Variants in PACSIN2 observed in about 807,000 individuals in gnomAD.
PACSIN2 encodes the protein protein kinase C and casein kinase substrate in neurons protein 2.
Under a neutral mutation model 63.8 loss-of-function variants are expected in PACSIN2, and 25 were observed. The observed-to-expected ratio is 0.39, with a 90% CI of 0.29 to 0.55. PACSIN2 has a LOEUF of 0.55. Ranked by LOEUF, PACSIN2 falls within the 20% of genes least tolerant of loss-of-function variation. The pLI, the probability that PACSIN2 is intolerant of heterozygous loss-of-function variation, is 0.62. For missense variants in PACSIN2, 518 were observed against 646.9 expected (o/e 0.80, Z 2.16); for synonymous variants, 255 against 256.2 (o/e 1.00, Z 0.05).
At chr22:42,931,743 A>T (rs1932782648) in intron 1 of PACSIN2, among the ~76,000 whole-genome samples, 1 of 152,194 alleles carries the variant, frequency 6.6e-6, no homozygotes, top group African/African-American at 2.4e-5. Flanking sequence ...TTTTAATTTA[A>T]CAGAGCCATG....
intron 7 of PACSIN2, among the ~76,000 whole-genome samples, chr22:42,880,300 C>G (rs1053113430): frequency 1.3e-5 from 2 of 152,242 alleles, no homozygotes; most frequent in African/African-American, 4.8e-5. Context: ...GGCCCGACCC[C>G]AAATCTGGGT....
In PACSIN2 at chr22:42,870,897, C is replaced by A. The variant is rs1928056526; in HGVS notation, c.*460G>T. The A allele has an allele frequency of 5.9e-6, 1 of 169,336 alleles. No individual in the cohort carries two copies. The highest frequency in any genetic ancestry group is 2.4e-5 in the African/African-American group (1 of 42,126). The allele number at this position is 169,336 out of a possible 1,614,324, so 10.5% of individuals were successfully genotyped here. On this transcript the variant is annotated 3_prime_UTR_variant, in exon 11 of 11. Transcript: ENST00000263246. Reference sequence around the variant, plus strand: ...GTGCCATAATTTAAGTAGAAATGAACAGGTGTATAAAAAAGTATAACTGTA... The same window carrying A: ...GTGCCATAATTTAAGTAGAAATGAAAAGGTGTATAAAAAAGTATAACTGTA...
intron 2 of PACSIN2, among the ~76,000 whole-genome samples, chr22:42,901,328 C>A (rs548118877): frequency 6.6e-6 from 1 of 152,184 alleles, no homozygotes; most frequent in Non-Finnish European, 1.5e-5. Context: ...CTCTGTCAGC[C>A]TGGCAGACAA....
At chr22:42,972,069 G>C (rs565861599) in intron 1 of PACSIN2, among the ~76,000 whole-genome samples, 3 of 152,216 alleles carry the variant, frequency 2.0e-5, no homozygotes, top group Non-Finnish European at 4.4e-5. Context: ...CAATGGGGGG[G>C]GGAAATGTGG....
intron 1 of PACSIN2, among the ~76,000 whole-genome samples, chr22:42,956,739 CCAA>C (rs1454843943): frequency 6.6e-6 from 1 of 152,010 alleles, no homozygotes; most frequent in African/African-American, 2.4e-5. Flanking sequence ...GATTTCTAAG[CCAA>C]CAGCAGCCCC....
intron 5 of PACSIN2, among the ~76,000 whole-genome samples, chr22:42,884,790 G>A (rs1489588817): frequency 1.3e-5 from 2 of 152,254 alleles, no homozygotes; most frequent in Admixed American, 1.3e-4. Flanking sequence ...CAGACAGGTA[G>A]ATGCCGGCAA....
chr22:42,937,652 C>G (rs1932970423), intron 1 of PACSIN2, among the ~76,000 whole-genome samples: 1 of 152,136 alleles, frequency 6.6e-6, no homozygotes, highest in Non-Finnish European at 1.5e-5. Flanking sequence ...TTTCACTTAC[C>G]ACACCCCTTG....
At chr22:42,904,620 G>C (rs1379013756) in intron 2 of PACSIN2, among the ~76,000 whole-genome samples, 1 of 152,134 alleles carries the variant, frequency 6.6e-6, no homozygotes, top group Non-Finnish European at 1.5e-5. Flanking sequence ...TGATCTAGTG[G>C]GGAAACGCCA....
At chr22:42,943,335 CAG>C (rs1272891033) in intron 1 of PACSIN2, among the ~76,000 whole-genome samples, 3 of 152,138 alleles carry the variant, frequency 2.0e-5, no homozygotes, top group African/African-American at 7.2e-5. Context: ...CATCTTTGAA[CAG>C]AGAGTGTTTT....
intron 1 of PACSIN2, among the ~76,000 whole-genome samples, chr22:42,971,257 T>G (rs1921240814): frequency 6.6e-6 from 1 of 152,178 alleles, no homozygotes. Flanking sequence ...GACTGGTTTT[T>G]GTATTTTTTG....
intron 1 of PACSIN2, among the ~76,000 whole-genome samples, chr22:42,923,384 ACCT>A (rs1238404487): frequency 6.6e-6 from 1 of 151,990 alleles, no homozygotes; most frequent in Non-Finnish European, 1.5e-5. Context: ...GCATCTGCTC[ACCT>A]CCACTAAGCT....
intron 1 of PACSIN2, among the ~76,000 whole-genome samples, chr22:43,004,325 G>C (rs1923952760): frequency 6.6e-6 from 1 of 152,196 alleles, no homozygotes; most frequent in Admixed American, 6.5e-5. Flanking sequence ...TCAGAACATG[G>C]GGGCCTGTGC....
chr22:42,997,098 G>A (rs1051316606), intron 1 of PACSIN2, among the ~76,000 whole-genome samples: 5 of 152,144 alleles, frequency 3.3e-5, no homozygotes, highest in African/African-American at 4.8e-5. Context: ...GGACCCTCCC[G>A]CCCACTGAGG....
rs1440325823 is a variant in PACSIN2 at position 42,882,176 on chromosome 22, C to A, written c.906+8G>T. 5 of 1,613,894 alleles carry A rather than the reference C, an allele frequency of 3.1e-6. No homozygotes were observed. The South Asian group carries it at 4.4e-5, about 14-fold the overall frequency. ...GCTGATGAGCTCATGGGCACACCCTCCTCTTACCTCAAACTGCGGCCAGTT... is the reference window on the plus strand; with the variant it reads ...GCTGATGAGCTCATGGGCACACCCTACTCTTACCTCAAACTGCGGCCAGTT... On this transcript the variant is annotated splice_region_variant and intron_variant, in intron 7 of 10. Transcript: ENST00000263246.
chr22:42,934,494 G>A (rs1932850922), intron 1 of PACSIN2, among the ~76,000 whole-genome samples: 1 of 152,180 alleles, frequency 6.6e-6, no homozygotes, highest in Admixed American at 6.5e-5. Context: ...ACCTCCTGGG[G>A]CCTCCCCACT....
chr22:43,003,096 G>A (rs149892825), intron 1 of PACSIN2, among the ~76,000 whole-genome samples: 148 of 152,268 alleles, frequency 9.7e-4, no homozygotes, highest in African/African-American at 3.5e-3. Context: ...CAGAGACAAC[G>A]TACCTCTCTT....
At chr22:42,960,232 T>C (rs1229332455) in intron 1 of PACSIN2, among the ~76,000 whole-genome samples, 1 of 152,234 alleles carries the variant, frequency 6.6e-6, no homozygotes, top group Non-Finnish European at 1.5e-5. Context: ...AAAGACAGCA[T>C]GCTCTCTCTG....
Position 42,919,409 on chromosome 22 carries a change from T to G in PACSIN2, c.-77-7252A>C, listed in dbSNP as rs146236694. Among the ~76,000 whole-genome samples, 744 of 152,306 alleles carry G rather than the reference T, an allele frequency of 4.9e-3. 5 individuals are homozygous for G. Among genetic ancestry groups the G allele is most frequent in the African/African-American group, 0.017 (708 of 41,564 alleles). ...CCCTGGTCTTTCCAAGGACAGGGAC[T>G]CATCTGGCACTTCTTTTGCACATTT... On this transcript the variant is annotated intron_variant, in intron 1 of 10. Transcript: ENST00000263246.
chr22:43,007,459 G>A (rs1332496736), intron 1 of PACSIN2, among the ~76,000 whole-genome samples: 5 of 151,976 alleles, frequency 3.3e-5, no homozygotes, highest in African/African-American at 9.7e-5. Flanking sequence ...CAAGTGATCC[G>A]CCCACCTCAG....
Sources: gnomAD v4.1 joint callset for allele counts (sites outside exome capture counted in the v4.1 genomes callset) on GRCh38, gnomAD v4.1.1 for gene constraint, MANE v1.5 for transcripts, NCBI Gene and HGNC (gene_info 2026-07-23, HGNC 2026-07-21) for gene names.